The following NLRC4 variants were observed in gnomAD, a reference collection of about 807,000 sequenced individuals.
NLRC4 encodes the protein NLR family CARD domain-containing protein 4.
In NLRC4, 63 loss-of-function variants were observed where a neutral mutation model predicts 79.9. The ratio of observed to expected loss-of-function variants is 0.79; its 90% CI spans 0.64 to 0.97. NLRC4 has a LOEUF of 0.97. NLRC4 is among the 50% of genes least tolerant of loss of function. NLRC4 has a pLI of 0.00. For missense variants in NLRC4, 1,074 were observed against 1,215.2 expected, an observed-to-expected ratio of 0.88 and a Z score of 1.73; for synonymous variants, 461 against 456.5, an observed-to-expected ratio of 1.01 and a Z score of -0.12.
intron 8 of NLRC4, among the ~76,000 whole-genome samples, chr2:32,229,098 A>G (rs1282973251): frequency 7.2e-5 from 11 of 152,022 alleles, no homozygotes; most frequent in Admixed American, 5.9e-4. Flanking sequence ...TCAAACATCC[A>G]AGTTGAAAGA....
At chr2:32,252,897 A>G (rs971686611) in intron 2 of NLRC4, among the ~76,000 whole-genome samples, 1 of 152,006 alleles carries the variant, frequency 6.6e-6, no homozygotes, top group African/African-American at 2.4e-5. Context: ...GGGCGCCTGT[A>G]GTCCCAGCTA....
At chr2:32,246,434 C>CA (rs1039034038) in intron 4 of NLRC4, among the ~76,000 whole-genome samples, 3 of 152,208 alleles carry the variant, frequency 2.0e-5, no homozygotes, top group South Asian at 4.2e-4. Context: ...ATTATCTGTA[C>CA]AAAAAATTCT....
intron 1 of NLRC4, among the ~76,000 whole-genome samples, chr2:32,263,533 C>T (rs1286051107): frequency 6.6e-6 from 1 of 152,076 alleles, no homozygotes; most frequent in Non-Finnish European, 1.5e-5. Flanking sequence ...ATGTTGAAGC[C>T]CTGAACCTCA....
intron 8 of NLRC4, among the ~76,000 whole-genome samples, chr2:32,230,538 C>T (rs1573468794): frequency 6.7e-6 from 1 of 149,666 alleles, no homozygotes; most frequent in African/African-American, 2.5e-5. Context: ...GTGGCGCGAT[C>T]TTGGCTCACT....
intron 1 of NLRC4, among the ~76,000 whole-genome samples, chr2:32,263,084 A>G (rs1488140515): frequency 6.6e-5 from 10 of 152,202 alleles, no homozygotes; most frequent in African/African-American, 2.4e-4. Context: ...AGCTCCTCAG[A>G]GAACTGAAGT....
At chr2:32,248,986 T>A (rs557461570) in intron 4 of NLRC4, among the ~76,000 whole-genome samples, 5 of 152,352 alleles carry the variant, frequency 3.3e-5, no homozygotes, top group African/African-American at 1.2e-4. Flanking sequence ...AGTAACTTTC[T>A]CCTGATCAGA....
At chr2:32,261,338 A>T (rs1253142605) in intron 1 of NLRC4, among the ~76,000 whole-genome samples, 2 of 28,476 alleles carry the variant, frequency 7.0e-5, no homozygotes, top group Admixed American at 3.5e-4. Flanking sequence ...TTTGAGATGG[A>T]GCCTCGCTCT....
rs1553347146 is a variant in NLRC4 at position 32,250,098 on chromosome 2, CCT to C, written c.1764_1765del (p.Gly589GlufsTer8). On this transcript the variant is annotated frameshift_variant, in exon 4 of 9. Transcript: ENST00000402280. LOFTEE classifies it high-confidence loss of function. The surrounding 1 kb of genome is among the most constrained non-coding windows in gnomAD (Gnocchi z 4.9). Reference sequence around the variant, plus strand: ...GTCAAATAAGTAATCGGGGATGTTCCCTGAGTTGATATATAAGCTTTTACCTT... The same window carrying C: ...GTCAAATAAGTAATCGGGGATGTTCCGAGTTGATATATAAGCTTTTACCTT... 3.2e-5 allele frequency: 51 copies of C among 1,614,012 alleles called. No individual in the cohort carries two copies. Among genetic ancestry groups the C allele is most frequent in the Non-Finnish European group, 4.2e-5 (49 of 1,180,008 alleles).
intron 1 of NLRC4, among the ~76,000 whole-genome samples, chr2:32,258,839 G>T (rs1010346949): frequency 2.6e-5 from 4 of 152,084 alleles, no homozygotes; most frequent in African/African-American, 7.2e-5. Context: ...ACTGCTCTGT[G>T]TGCATTCCCA....
chr2:32,228,246 C>A (rs1686449270), intron 8 of NLRC4, among the ~76,000 whole-genome samples: 1 of 152,166 alleles, frequency 6.6e-6, no homozygotes, highest in African/African-American at 2.4e-5. Context: ...TCCCACTCCA[C>A]TTTGTTCCCA....
chr2:32,238,001 A>G (rs924248102), intron 6 of NLRC4, 131 bp downstream of exon 6: 1 of 603,324 alleles, frequency 1.7e-6, no homozygotes, highest in Non-Finnish European at 2.7e-6. Context: ...TCTGCTTATT[A>G]TCGAGAAGTT....
intron 8 of NLRC4, among the ~76,000 whole-genome samples, chr2:32,233,899 T>G (rs1031671921): frequency 6.6e-6 from 1 of 152,140 alleles, no homozygotes; most frequent in African/African-American, 2.4e-5. Flanking sequence ...CCAGCTATTG[T>G]TGTATTGGGT....
At chr2:32,236,778 G>T (rs1192991443) in intron 6 of NLRC4, among the ~76,000 whole-genome samples, 1 of 152,104 alleles carries the variant, frequency 6.6e-6, no homozygotes, top group African/African-American at 2.4e-5. Flanking sequence ...AATGAAATGA[G>T]CTGGTTTTGT....
intron 2 of NLRC4, among the ~76,000 whole-genome samples, chr2:32,253,111 T>C (rs1231803551): frequency 6.6e-6 from 1 of 152,116 alleles, no homozygotes; most frequent in Non-Finnish European, 1.5e-5. Context: ...GTTATGGAGA[T>C]GCCAAATGCC....
Position 32,249,922 on chromosome 2 carries a change from C to T in NLRC4, c.1942G>A (p.Ala648Thr), listed in dbSNP as rs780334402. 6.2e-7 allele frequency: 1 copy of T among 1,614,090 alleles called. No individual in the cohort carries two copies. Among genetic ancestry groups the T allele is most frequent in the African/African-American group, 1.3e-5 (1 of 74,934 alleles). Residue 648 changes from alanine to threonine, a missense_variant, in exon 4 of 9, where the codon GCT becomes ACT. Transcript: ENST00000402280. ...EAPETYIPSR[A>T]VSLFFNWKQE... ...TTCCAGTTGAAGAACAAAGATACAG[C>T]CCTGCTGGGAATGTAGGTTTCTGGG...
rs751070859 is a variant in NLRC4, at chr2:32,250,307, G to A, written c.1557C>T (p.Leu519=). The A allele has an allele frequency of 5.0e-6, 8 of 1,614,062 alleles. No individual in the cohort carries two copies. In the African/African-American group the frequency reaches 6.7e-5, roughly 13 times the overall value. ...LAAVYQHGCL[L]GLSIAKRPLW... is the part of the protein sequence containing the mutation. The stretch of plus-strand genomic sequence containing the variant: ...GAGGCCTCTTGGCGATGGAAAGTCC[G>A]AGAAGGCAGCCGTGTTGATACACTG... The change falls in exon 4 of 9, where the codon CTC becomes CTT. Residue 519 remains leucine, a synonymous_variant. Transcript: ENST00000402280. This position sits in a 1 kb window ranked among gnomAD's most constrained non-coding sequence, Gnocchi z 4.9.
chr2:32,224,514 G>GATC lies in NLRC4; in HGVS notation c.3031_3033dup (p.Asp1011dup). The GATC allele has an allele frequency of 1.2e-6, 2 of 1,613,258 alleles. No individual in the cohort carries two copies. The highest frequency in any genetic ancestry group is 8.5e-7 in the Non-Finnish European group (1 of 1,179,684). On this transcript the variant is annotated inframe_insertion, in exon 9 of 9. Transcript: ENST00000402280. ...TTAAAAGCACCTGTAATAACACTGAGATCATCATCATCAAATTGCCACCCA... is the reference window on the plus strand; with the variant it reads ...TTAAAAGCACCTGTAATAACACTGAGATCATCATCATCATCAAATTGCCACCCA...
At chr2:32,232,408 A>G (rs920947771) in intron 8 of NLRC4, among the ~76,000 whole-genome samples, 3 of 152,214 alleles carry the variant, frequency 2.0e-5, no homozygotes, top group South Asian at 2.1e-4. Context: ...AAAAAGGGAA[A>G]TTTAAGGACA....
chr2:32,230,917 A>C (rs1188644392), intron 8 of NLRC4, among the ~76,000 whole-genome samples: 1 of 152,166 alleles, frequency 6.6e-6, no homozygotes, highest in African/African-American at 2.4e-5. Flanking sequence ...ATCCTTGCCA[A>C]CAACACTTGT....
Sources: gnomAD v4.1 joint callset for allele counts (sites outside exome capture counted in the v4.1 genomes callset) on GRCh38, gnomAD v4.1.1 for gene constraint, Gnocchi (gnomAD v3.1) non-coding constraint, MANE v1.5 for transcripts, NCBI Gene and HGNC (gene_info 2026-07-23, HGNC 2026-07-21) for gene names.